Variants in NDST4 observed in about 807,000 individuals in gnomAD.
NDST4 encodes N-deacetylase and N-sulfotransferase 4.
NDST4 carries 63 observed loss-of-function variants against 100.8 expected under a neutral mutation model. The observed-to-expected ratio is 0.62, with a 90% CI of 0.51 to 0.77. The LOEUF is 0.77. Among genes scored for constraint, NDST4 ranks in the 30% least tolerant of loss-of-function variants. The pLI is 0.00. For missense variants in NDST4, 943 were observed against 1,018.4 expected, an observed-to-expected ratio of 0.93 and a Z score of 1.01; for synonymous variants, 377 against 361.8, an observed-to-expected ratio of 1.04 and a Z score of -0.48.
At chr4:115,035,439 A>C (rs1728213088) in intron 2 of NDST4, among the ~76,000 whole-genome samples, 1 of 152,108 alleles carries the variant, frequency 6.6e-6, no homozygotes, top group Non-Finnish European at 1.5e-5. Flanking sequence ...TTCATTCTTC[A>C]AAGTTAAATA....
chr4:115,020,925 T>C (rs910870682), intron 2 of NDST4, among the ~76,000 whole-genome samples: 6 of 152,094 alleles, frequency 3.9e-5, no homozygotes, highest in Non-Finnish European at 7.4e-5. Context: ...GATATTGGCA[T>C]GGACGCGGTG....
At chr4:115,055,739 A>G (rs1728680127) in intron 2 of NDST4, among the ~76,000 whole-genome samples, 1 of 152,148 alleles carries the variant, frequency 6.6e-6, no homozygotes, top group Non-Finnish European at 1.5e-5. Flanking sequence ...AATGAGAAAC[A>G]ATAGAGGGAT....
At chr4:114,849,404 C>G (rs10003921) in intron 8 of NDST4, among the ~76,000 whole-genome samples, 2,644 of 152,268 alleles carry the variant, frequency 0.017, 78 homozygotes, top group African/African-American at 0.06. Flanking sequence ...CATAGGTGGG[C>G]TGGCAGAACA....
chr4:115,084,727 A>G lies in NDST4; in HGVS notation c.-246-7445T>C, dbSNP rs1560594803. On this transcript the variant is annotated intron_variant, in intron 1 of 13. Coordinates refer to ENST00000264363, the MANE Select transcript of NDST4 (RefSeq NM_022569.3). ...GTGTTGGGCCTGTTGGCACACAGAA[A>G]TCAAGAATTGAAGTTTGAGAACCTC... is the stretch of plus-strand genomic sequence containing the variant. 2.6e-5 allele frequency among the ~76,000 whole-genome samples: 4 copies of G among 152,202 alleles called. No homozygotes were observed. The South Asian group carries it at 6.2e-4, about 24-fold the overall frequency.
intron 2 of NDST4, among the ~76,000 whole-genome samples, chr4:115,043,972 C>T (rs1425050721): frequency 6.6e-6 from 1 of 152,024 alleles, no homozygotes; most frequent in Non-Finnish European, 1.5e-5. Context: ...AATAAACATG[C>T]GTTTTAGATG....
intron 7 of NDST4, among the ~76,000 whole-genome samples, chr4:114,860,327 G>T (rs1019104669): frequency 3.3e-5 from 5 of 152,120 alleles, no homozygotes; most frequent in Non-Finnish European, 7.4e-5. Flanking sequence ...GGCAGAGAAG[G>T]CTGAACTATC....
intron 2 of NDST4, among the ~76,000 whole-genome samples, chr4:115,001,924 T>C (rs1373305942): frequency 6.6e-6 from 1 of 152,208 alleles, no homozygotes; most frequent in Non-Finnish European, 1.5e-5. Flanking sequence ...GAGTGAGGTA[T>C]GAACCCTACT....
intron 2 of NDST4, among the ~76,000 whole-genome samples, chr4:115,042,347 C>A (rs759174119): frequency 6.6e-5 from 10 of 152,072 alleles, no homozygotes; most frequent in Non-Finnish European, 1.3e-4. Context: ...TCACCTGAAG[C>A]AGATGATTTT....
At chr4:115,004,811 A>C (rs1727378218) in intron 2 of NDST4, among the ~76,000 whole-genome samples, 1 of 152,158 alleles carries the variant, frequency 6.6e-6, no homozygotes, top group Non-Finnish European at 1.5e-5. Context: ...GGTTTTTCCT[A>C]AATTTTTAAT....
At chr4:115,011,104 CA>C (rs1727534847) in intron 2 of NDST4, among the ~76,000 whole-genome samples, 1 of 151,890 alleles carries the variant, frequency 6.6e-6, no homozygotes, top group Admixed American at 6.6e-5. Context: ...CAAATAGATA[CA>C]AAAAGGAAAT....
rs190869596 is a variant in NDST4 at position 114,853,772 on chromosome 4, A to T, written c.1720-951T>A. Among the ~76,000 whole-genome samples, 204 of 152,270 alleles carry T rather than the reference A, an allele frequency of 1.3e-3. 1 individual carries two copies. The highest frequency in any genetic ancestry group is 4.7e-3 in the African/African-American group (197 of 41,560). ...CAAGAAGGAAAAACATTTATGGTTC[A>T]TATTTCTGTACTTTAATCAGTTCCT... On this transcript the variant is annotated intron_variant, in intron 7 of 13. Transcript: ENST00000264363.
rs1560771577 is a variant in NDST4 at position 114,837,396 on chromosome 4, TG to T, written c.2286+1981del. Among the ~76,000 whole-genome samples the T allele has an allele frequency of 5.3e-5, 8 of 152,094 alleles. No individual in the cohort carries two copies. The South Asian group carries it at 1.5e-3, about 28-fold the overall frequency. ...CAATCCTAAGCAAAAAGAACAAAGC[TG>T]GAGGCGTCATGCTACCTGACTTCAA... On this transcript the variant is annotated intron_variant, in intron 11 of 13. Transcript: ENST00000264363.
intron 8 of NDST4, among the ~76,000 whole-genome samples, chr4:114,849,222 A>G (rs1245712105): frequency 6.6e-6 from 1 of 152,244 alleles, no homozygotes; most frequent in Admixed American, 6.5e-5. Flanking sequence ...CCTCAGAGCC[A>G]GGCCGGAGAC....
At chr4:115,011,199 A>G (rs1358530205) in intron 2 of NDST4, among the ~76,000 whole-genome samples, 1 of 152,006 alleles carries the variant, frequency 6.6e-6, no homozygotes, top group Non-Finnish European at 1.5e-5. Flanking sequence ...TTATCCTGCT[A>G]TATGACTTAC....
At chr4:114,984,142 C>T (rs530754622) in intron 2 of NDST4, among the ~76,000 whole-genome samples, 2,284 of 146,004 alleles carry the variant, frequency 0.016, 138 homozygotes, top group African/African-American at 0.054. Flanking sequence ...CAAACTAATA[C>T]TATTTATTTA....
At chr4:115,081,773 G>T (rs1437562325) in intron 1 of NDST4, among the ~76,000 whole-genome samples, 1 of 152,118 alleles carries the variant, frequency 6.6e-6, no homozygotes, top group African/African-American at 2.4e-5. Context: ...GGACAAGTCA[G>T]CAAGAAACAG....
intron 4 of NDST4, 124 bp downstream of exon 4, chr4:114,970,306 T>C: frequency 1.2e-6 from 1 of 817,410 alleles, no homozygotes; most frequent in Non-Finnish European, 1.8e-6. Flanking sequence ...TCAATACATG[T>C]GATGCACCCT....
At chr4:114,907,876 G>T (rs1724984465) in intron 6 of NDST4, among the ~76,000 whole-genome samples, 1 of 152,110 alleles carries the variant, frequency 6.6e-6, no homozygotes, top group Non-Finnish European at 1.5e-5. Context: ...CAATATTATT[G>T]GACGTTAAAG....
At chr4:115,086,741 G>A (rs910243543) in intron 1 of NDST4, among the ~76,000 whole-genome samples, 1 of 151,966 alleles carries the variant, frequency 6.6e-6, no homozygotes, top group South Asian at 2.1e-4. Context: ...CATTTTCTTA[G>A]TTCTTATTTT....
Sources: gnomAD v4.1 joint callset for allele counts (sites outside exome capture counted in the v4.1 genomes callset) on GRCh38, gnomAD v4.1.1 for gene constraint, MANE v1.5 for transcripts, NCBI Gene and HGNC (gene_info 2026-07-23, HGNC 2026-07-21) for gene names.